Variants in LLGL1 observed in about 807,000 individuals in gnomAD.
LLGL1 encodes the protein LLGL scribble cell polarity complex component 1, also known as lethal(2) giant larvae protein homolog 1.
LLGL1 carries 58 observed loss-of-function variants against 110.6 expected under a neutral mutation model. The ratio of observed to expected loss-of-function variants is 0.52; its 90% CI spans 0.42 to 0.65. The LOEUF is 0.65. Ranked by LOEUF, LLGL1 falls within the 30% of genes least tolerant of loss-of-function variation. The probability of loss-of-function intolerance (pLI) is 0.00; values close to 1 mark genes in which losing one functional copy is unlikely to be tolerated. For synonymous variants in LLGL1, 674 were observed against 607.2 expected, an observed-to-expected ratio of 1.11 and a Z score of -1.62; for missense variants, 1,229 against 1,462.1, an observed-to-expected ratio of 0.84 and a Z score of 2.60.
In LLGL1 at chr17:18,232,415, G is replaced by A; in HGVS notation, c.180-80G>A. 7.7e-6 allele frequency: 10 copies of A among 1,293,490 alleles called. No individual in the cohort carries two copies. In the South Asian group the frequency reaches 8.3e-5, roughly 11 times the overall value. 80.1% of individuals were successfully genotyped at this position (1,293,490 alleles called of 1,614,324 possible). A position where few individuals can be genotyped will look rare whatever the true frequency, so the allele number is the denominator to read the frequency against. On this transcript the variant is annotated intron_variant, in intron 2 of 22. Coordinates refer to ENST00000316843, the MANE Select transcript of LLGL1 (RefSeq NM_004140.4). ...GCCGGGGCCCACTGGAATAGTCCGG[G>A]TCAAGGAGGAGCCTTGGGTGTCTTC...
rs371026248 is a variant in LLGL1 at position 18,240,661 on chromosome 17, G to T, written c.2290G>T (p.Val764Leu). Residue 764 changes from valine (V) to leucine (L), a missense_variant, in exon 17 of 23, where the codon GTG (valine) becomes TTG (leucine). Physicochemically the swap from Val to Leu is conservative, Grantham distance 32. Transcript: ENST00000316843. The surrounding 1 kb of genome is among the most constrained non-coding windows in gnomAD (Gnocchi z 5.3). ...TGCACTGGAGGTGCCGGCAGCAGCA[G>T]TGGGTGGTGAGAAGCGGCCTGAGCA... Reference protein sequence around the residue: ...AYALEVPAAAVGGEKRPEQAV... With the variant: ...AYALEVPAAALGGEKRPEQAV... The T allele has an allele frequency of 5.4e-5, 87 of 1,613,102 alleles. No individual in the cohort carries two copies. The highest frequency in any genetic ancestry group is 7.1e-5 in the Non-Finnish European group (84 of 1,179,824).
chr17:18,230,130 G>C, intron 2 of LLGL1, 92 bp downstream of exon 2: 3 of 986,644 alleles, frequency 3.0e-6, no homozygotes, highest in Non-Finnish European at 4.6e-6. Flanking sequence ...GCAGTGTCCA[G>C]CTCGAGAGGA....
intron 4 of LLGL1, 56 bp downstream of exon 4, chr17:18,232,858 T>C: frequency 6.2e-7 from 1 of 1,606,878 alleles, no homozygotes; most frequent in South Asian, 1.1e-5. Flanking sequence ...TGGGGGAGGC[T>C]GTGGGAACCT....
intron 19 of LLGL1, 73 bp from the exon 20 acceptor site, chr17:18,242,093 G>A: frequency 1.3e-6 from 2 of 1,535,296 alleles, no homozygotes; most frequent in Admixed American, 1.7e-5. Flanking sequence ...GCTCAGGAGT[G>A]GGAGGGCAAG....
At position 18,232,584 on chromosome 17, in the gene LLGL1, T is replaced by C; in HGVS notation, c.261+8T>C. On this transcript the variant is annotated splice_region_variant and intron_variant, in intron 3 of 22. Coordinates refer to ENST00000316843, the MANE Select transcript of LLGL1 (RefSeq NM_004140.4). ...CACTTCTTGACCGGCCAGGTGAGCC[T>C]CTGCTTCCCACTAGCCAGCTCCCTG... 6.2e-7 allele frequency: 1 copy of C among 1,614,088 alleles called. No homozygotes were observed. Among genetic ancestry groups the C allele is most frequent in the South Asian group, 1.1e-5 (1 of 91,080 alleles).
chr17:18,237,921 T>C (rs558321622), intron 14 of LLGL1, 146 bp from the exon 15 acceptor site: 1 of 1,276,462 alleles, frequency 7.8e-7, no homozygotes, highest in East Asian at 2.5e-5. Flanking sequence ...AGAAGGACAT[T>C]CTCAGTACCA....
intron 7 of LLGL1, 92 bp downstream of exon 7, chr17:18,234,500 G>A: frequency 7.6e-6 from 12 of 1,579,254 alleles, no homozygotes; most frequent in Non-Finnish European, 1.0e-5. Context: ...CTTCCCCGAG[G>A]GGGTGGTCTG....
rs528462605 is a variant in LLGL1, at chr17:18,241,325, C to T, written c.2503-126C>T. ...AGTGGGGCAGCCAGGTGTACAGGCACGGGAGGCCACGTAGCATGCAGCTGG... is the reference window on the plus strand; with the variant it reads ...AGTGGGGCAGCCAGGTGTACAGGCATGGGAGGCCACGTAGCATGCAGCTGG... On this transcript the variant is annotated intron_variant, in intron 17 of 22. Transcript: ENST00000316843. 518 of 1,262,362 alleles carry T rather than the reference C, an allele frequency of 4.1e-4. 4 individuals are homozygous for T. The Middle Eastern group carries it at 6.8e-3, about 17-fold the overall frequency. The allele number at this position is 1,262,362 out of a possible 1,614,324, so 78.2% of individuals were successfully genotyped here.
In LLGL1 at chr17:18,236,868, C is replaced by T; in HGVS notation, c.1540C>T (p.Arg514Trp). Residue 514 changes from arginine (R) to tryptophan (W), a missense_variant, in exon 13 of 23, where the codon CGG (arginine) becomes TGG (tryptophan). Transcript: ENST00000316843. ...CTTCGATCCCTACAGTGACGATCCC[C>T]GGCTTGGCGTGCAGAAGGTTGCTCT... ...GCFDPYSDDP[R>W]LGVQKVALCK... 2.5e-6 allele frequency: 4 copies of T among 1,613,870 alleles called. No individual in the cohort carries two copies. The highest frequency in any genetic ancestry group is 1.3e-5 in the African/African-American group (1 of 75,040).
At chr17:18,243,396 C>G (rs941963151) in intron 22 of LLGL1, among the ~76,000 whole-genome samples, 1 of 152,198 alleles carries the variant, frequency 6.6e-6, no homozygotes, top group African/African-American at 2.4e-5. Context: ...CGTGAGCCAC[C>G]GCACCCGGCC....
intron 7 of LLGL1, 42 bp from the exon 8 acceptor site, chr17:18,234,607 G>T (rs766793871): frequency 1.1e-5 from 18 of 1,612,152 alleles, no homozygotes; most frequent in Non-Finnish European, 1.5e-5. Flanking sequence ...GAATTGCTAA[G>T]AACCACCAGT....
chr17:18,240,953 G>T lies in LLGL1; in HGVS notation c.2502+80G>T. 3 of 1,375,492 alleles carry T rather than the reference G, an allele frequency of 2.2e-6. No individual in the cohort carries two copies. Among genetic ancestry groups the T allele is most frequent in the Non-Finnish European group, 2.9e-6 (3 of 1,031,418 alleles). 85.2% of individuals were successfully genotyped at this position (1,375,492 alleles called of 1,614,324 possible). ...CTCATGGACACCATTGGACCCTCAAGAAACCCTTCCTGCCTGTATCCCCCA... is the reference window on the plus strand; with the variant it reads ...CTCATGGACACCATTGGACCCTCAATAAACCCTTCCTGCCTGTATCCCCCA... On this transcript the variant is annotated intron_variant, in intron 17 of 22. Coordinates refer to ENST00000316843, the MANE Select transcript of LLGL1 (RefSeq NM_004140.4). The surrounding 1 kb of genome is among the most constrained non-coding windows in gnomAD (Gnocchi z 5.3).
rs2047705170 is a variant in LLGL1 at position 18,236,816 on chromosome 17, C to T, written c.1507-19C>T. 4.3e-6 allele frequency: 7 copies of T among 1,613,318 alleles called. No homozygotes were observed. Among genetic ancestry groups the T allele is most frequent in the Admixed American group, 3.3e-5 (2 of 59,990 alleles). ...GTCCTGACCCCGCCTGGACTCATTACTCCTTCCCATCCCTCTAGGTGGGCT... is the reference window on the plus strand; with the variant it reads ...GTCCTGACCCCGCCTGGACTCATTATTCCTTCCCATCCCTCTAGGTGGGCT... On this transcript the variant is annotated intron_variant, in intron 12 of 22. Coordinates refer to ENST00000316843, the MANE Select transcript of LLGL1 (RefSeq NM_004140.4).
rs150088817 is a variant in LLGL1 at position 18,238,562 on chromosome 17, C to T, written c.2159C>T (p.Ser720Leu). Reference protein sequence around the residue: ...IEPRSADDSLSGVVRCLYFAD... With the variant: ...IEPRSADDSLLGVVRCLYFAD... The stretch of plus-strand genomic sequence containing the variant: ...CCCCGCTCTGCCGATGACTCCTTGT[C>T]GGGTGTCGTGCGTTGCCTATACTTT... The change falls in exon 16 of 23, where the codon TCG (serine) becomes TTG (leucine). Residue 720 changes from serine (S) to leucine (L), a missense_variant. By Grantham distance (145) the Ser-to-Leu change is moderately radical. Transcript: ENST00000316843. 6.6e-5 allele frequency: 107 copies of T among 1,613,064 alleles called. No homozygotes were observed. The highest frequency in any genetic ancestry group is 1.7e-4 in the Middle Eastern group (1 of 5,908).
chr17:18,232,553 C>G lies in LLGL1; in HGVS notation c.238C>G (p.Gln80Glu). ...GCACCGGGATGCAGCCACTGTCACACAGATGCACTTCTTGACCGGCCAGGT... is the reference window on the plus strand; with the variant it reads ...GCACCGGGATGCAGCCACTGTCACAGAGATGCACTTCTTGACCGGCCAGGT... ...GLHRDAATVT[Q>E]MHFLTGQGRL... The change falls in exon 3 of 23, where the codon CAG becomes GAG. Residue 80 changes from glutamine (Q) to glutamate (E), a missense_variant. Gln to Glu is a conservative substitution (Grantham distance 29). Coordinates refer to ENST00000316843, the MANE Select transcript of LLGL1 (RefSeq NM_004140.4). 6.2e-7 allele frequency: 1 copy of G among 1,614,162 alleles called. No homozygotes were observed. Among genetic ancestry groups the G allele is most frequent in the Non-Finnish European group, 8.5e-7 (1 of 1,180,002 alleles).
Position 18,234,319 on chromosome 17 carries a change from G to A in LLGL1, c.761G>A (p.Ser254Asn). 1 of 1,611,316 alleles carries A rather than the reference G, an allele frequency of 6.2e-7. No individual in the cohort carries two copies. The highest frequency in any genetic ancestry group is 2.2e-5 in the East Asian group (1 of 44,772). The part of the protein sequence containing the change: ...CWGRDSSTVV[S>N]SHSDGSYAVW... ...GGGCGTGATAGCAGCACTGTGGTCA[G>A]CTCACACAGCGATGGCAGCTATGCT... is the stretch of plus-strand genomic sequence containing the variant. The change falls in exon 7 of 23, where the codon AGC (serine) becomes AAC (asparagine). Residue 254 changes from serine (S) to asparagine (N), a missense_variant. Transcript: ENST00000316843.
chr17:18,237,440 T>TCCCCTGCGCTGATGCTC, intron 13 of LLGL1, 41 bp from the exon 14 acceptor site: 1 of 1,504,284 alleles, frequency 6.6e-7, no homozygotes, highest in East Asian at 2.4e-5. Flanking sequence ...GGGCGGCCCC[T>TCCCCTGCGCTGATGCTC]CCCCTGCGCT....
rs551618940 is a variant in LLGL1 at position 18,232,413 on chromosome 17, G to A, written c.180-82G>A. 75 of 1,256,700 alleles carry A rather than the reference G, an allele frequency of 6.0e-5. No homozygotes were observed. The East Asian group carries it at 1.7e-3, about 28-fold the overall frequency. 77.8% of individuals were successfully genotyped at this position (1,256,700 alleles called of 1,614,324 possible). ...ATGCCGGGGCCCACTGGAATAGTCCGGGTCAAGGAGGAGCCTTGGGTGTCT... is the reference window on the plus strand; with the variant it reads ...ATGCCGGGGCCCACTGGAATAGTCCAGGTCAAGGAGGAGCCTTGGGTGTCT... On this transcript the variant is annotated intron_variant, in intron 2 of 22. Transcript: ENST00000316843.
intron 13 of LLGL1, chr17:18,237,172 A>G (rs936816300): frequency 1.2e-5 from 7 of 597,912 alleles, no homozygotes; most frequent in Admixed American, 3.0e-5. Context: ...CGGCACTCAC[A>G]TGACATACAG....
Sources: allele counts gnomAD v4.1 joint callset (sites outside exome capture counted in the v4.1 genomes callset), GRCh38; gene constraint gnomAD v4.1.1; non-coding constraint Gnocchi (gnomAD v3.1); transcripts MANE v1.5; gene names NCBI Gene and HGNC (gene_info 2026-07-23, HGNC 2026-07-21).